TCERG1L: variants seen among roughly 807,000 people sequenced by gnomAD.
TCERG1L encodes transcription elongation regulator 1 like.
TCERG1L carries 37 observed loss-of-function variants against 56.3 expected under a neutral mutation model. The observed-to-expected ratio is 0.66, with a 90% CI of 0.51 to 0.87. TCERG1L has a LOEUF of 0.87. Ranked by LOEUF, TCERG1L falls within the 40% of genes least tolerant of loss-of-function variation. The pLI, the probability that TCERG1L is intolerant of heterozygous loss-of-function variation, is 0.00. For missense variants in TCERG1L, 799 were observed against 774.2 expected (o/e 1.03, Z -0.38); for synonymous variants, 324 against 326.3 (o/e 0.99, Z 0.08).
At chr10:131,186,445 TAAGAGGTCCA>T in intron 4 of TCERG1L, among the ~76,000 whole-genome samples, 1 of 152,252 alleles carries the variant, frequency 6.6e-6, no homozygotes, top group African/African-American at 2.4e-5. Context: ...ACCCAACTCA[TAAGAGGTCCA>T]AAGAGATAAC....
intron 7 of TCERG1L, among the ~76,000 whole-genome samples, chr10:131,135,561 A>G (rs910977564): frequency 2.6e-5 from 4 of 152,144 alleles, no homozygotes; most frequent in Non-Finnish European, 5.9e-5. Flanking sequence ...CTTCTTTTCA[A>G]TGTGCAGCGT....
intron 4 of TCERG1L, among the ~76,000 whole-genome samples, chr10:131,251,882 T>G (rs890058543): frequency 2.0e-5 from 3 of 152,160 alleles, no homozygotes; most frequent in Admixed American, 2.0e-4. Flanking sequence ...CCATCCACAC[T>G]CCGAACTATT....
intron 3 of TCERG1L, among the ~76,000 whole-genome samples, chr10:131,299,498 A>G (rs954323390): frequency 6.7e-6 from 1 of 150,176 alleles, no homozygotes; most frequent in African/African-American, 2.5e-5. Context: ...TTTTGAAGAT[A>G]TATCTTTCGA....
chr10:131,096,581 A>G (rs7073264), intron 11 of TCERG1L, among the ~76,000 whole-genome samples: 13,724 of 152,300 alleles, frequency 0.09, 653 homozygotes, highest in Middle Eastern at 0.12. Context: ...ATGCCTTCAT[A>G]GAAAGCATCA....
chr10:131,192,076 G>T (rs1479883275), intron 4 of TCERG1L, among the ~76,000 whole-genome samples: 1 of 142,044 alleles, frequency 7.0e-6, no homozygotes, highest in Non-Finnish European at 1.5e-5. Context: ...GAAATAATCA[G>T]CAGAGTAAAC....
intron 4 of TCERG1L, among the ~76,000 whole-genome samples, chr10:131,209,138 G>T (rs1845587191): frequency 6.6e-6 from 1 of 152,022 alleles, no homozygotes; most frequent in Non-Finnish European, 1.5e-5. Context: ...TTACTTTCAG[G>T]CTATGTGTAT....
Position 131,260,359 on chromosome 10 carries a change from G to C in TCERG1L, c.756C>G (p.Asp252Glu). Residue 252 changes from aspartate (D) to glutamate (E), a missense_variant, in exon 4 of 12, where the codon GAC becomes GAG. Coordinates refer to ENST00000368642, the MANE Select transcript of TCERG1L (RefSeq NM_174937.4). This position sits in a 1 kb window ranked among gnomAD's most constrained non-coding sequence, Gnocchi z 5.8. ...GGGACGGGCCCCGGAGGTTCTCAGG[G>C]TCCACGGAGACCATGGCAGCGGCGG... ...TAAAAAMVSVDPENLRGPSPS... is the reference protein window; with the variant it reads ...TAAAAAMVSVEPENLRGPSPS... 1 of 1,497,344 alleles carries C rather than the reference G, an allele frequency of 6.7e-7. No individual in the cohort carries two copies. The highest frequency in any genetic ancestry group is 8.8e-7 in the Non-Finnish European group (1 of 1,133,382). 92.8% of individuals were successfully genotyped at this position (1,497,344 alleles called of 1,614,324 possible). A position where few individuals can be genotyped will look rare whatever the true frequency, so the allele number is the denominator to read the frequency against.
chr10:131,138,098 G>A (rs1264253753), intron 7 of TCERG1L, among the ~76,000 whole-genome samples: 4 of 152,132 alleles, frequency 2.6e-5, no homozygotes, highest in South Asian at 2.1e-4. Context: ...GTGAAACCCC[G>A]TCTCTACCAA....
At chr10:131,170,140 G>A (rs1021006305) in intron 4 of TCERG1L, among the ~76,000 whole-genome samples, 1 of 152,138 alleles carries the variant, frequency 6.6e-6, no homozygotes, top group Non-Finnish European at 1.5e-5. Flanking sequence ...CACAGTCATT[G>A]ATTTTGCAGG....
intron 4 of TCERG1L, among the ~76,000 whole-genome samples, chr10:131,172,275 G>A (rs1846100422): frequency 6.6e-6 from 1 of 152,180 alleles, no homozygotes; most frequent in South Asian, 2.1e-4. Context: ...GGGAGGAGGG[G>A]AACCCGGGGA....
At chr10:131,131,335 G>C (rs1188276490) in intron 8 of TCERG1L, among the ~76,000 whole-genome samples, 5 of 152,130 alleles carry the variant, frequency 3.3e-5, no homozygotes, top group African/African-American at 1.2e-4. Flanking sequence ...GAGTTATAAA[G>C]TCAGAAGACC....
intron 4 of TCERG1L, among the ~76,000 whole-genome samples, chr10:131,180,834 T>C (rs906187984): frequency 1.8e-5 from 2 of 108,494 alleles, no homozygotes; most frequent in Non-Finnish European, 4.6e-5. Context: ...AAGAACGTTT[T>C]TGTAAAAAAA....
rs189822820 is a variant in TCERG1L, at chr10:131,116,969, C to T, written c.1260-35G>A. Reference sequence around the variant, plus strand: ...CACAAGACGCAGAGTTAGACACACTCGTGGGGACCCAGCTGGTTTTTATTG... The same window carrying T: ...CACAAGACGCAGAGTTAGACACACTTGTGGGGACCCAGCTGGTTTTTATTG... On this transcript the variant is annotated intron_variant, in intron 8 of 11. Coordinates refer to ENST00000368642, the MANE Select transcript of TCERG1L (RefSeq NM_174937.4). 755 of 1,587,362 alleles carry T rather than the reference C, an allele frequency of 4.8e-4. 4 individuals are homozygous for T. In the African/African-American group the frequency reaches 9.2e-3, roughly 19 times the overall value.
intron 9 of TCERG1L, among the ~76,000 whole-genome samples, chr10:131,107,024 A>G (rs576584369): frequency 7.8e-5 from 11 of 140,518 alleles, no homozygotes; most frequent in Admixed American, 6.2e-4. Flanking sequence ...GGGTCTCCAG[A>G]CAGAATGGAT....
chr10:131,304,400 G>A (rs1245168877), intron 3 of TCERG1L, among the ~76,000 whole-genome samples: 1 of 152,010 alleles, frequency 6.6e-6, no homozygotes, highest in East Asian at 1.9e-4. Context: ...ACGTCTGCCT[G>A]TGATGAACCA....
intron 4 of TCERG1L, among the ~76,000 whole-genome samples, chr10:131,183,815 C>T (rs1158739849): frequency 6.6e-6 from 1 of 152,208 alleles, no homozygotes; most frequent in African/African-American, 2.4e-5. Flanking sequence ...ACACGTGATG[C>T]TAACATTATG....
chr10:131,231,405 G>C (rs77732835), intron 4 of TCERG1L, among the ~76,000 whole-genome samples: 29 of 152,304 alleles, frequency 1.9e-4, no homozygotes, highest in Non-Finnish European at 3.7e-4. Context: ...CTCCAGAGGC[G>C]AAGGTCGCCA....
chr10:131,294,852 T>G (rs1293367006), intron 3 of TCERG1L, among the ~76,000 whole-genome samples: 2 of 151,970 alleles, frequency 1.3e-5, no homozygotes, highest in East Asian at 3.9e-4. Context: ...TTTTTTTAAG[T>G]TGGATGCACT....
intron 3 of TCERG1L, among the ~76,000 whole-genome samples, chr10:131,299,499 T>A (rs991282204): frequency 4.0e-5 from 6 of 150,248 alleles, no homozygotes; most frequent in Non-Finnish European, 8.8e-5. Context: ...TTTGAAGATA[T>A]ATCTTTCGAA....
Sources: gnomAD v4.1 joint callset for allele counts (sites outside exome capture counted in the v4.1 genomes callset) on GRCh38, gnomAD v4.1.1 for gene constraint, Gnocchi (gnomAD v3.1) non-coding constraint, MANE v1.5 for transcripts, NCBI Gene and HGNC (gene_info 2026-07-23, HGNC 2026-07-21) for gene names.